The following ZNF536 variants were observed in gnomAD, a reference collection of about 807,000 sequenced individuals.
ZNF536 encodes the protein zinc finger protein 536.
ZNF536 carries 13 observed loss-of-function variants against 84.5 expected under a neutral mutation model. The ratio of observed to expected loss-of-function variants is 0.15; its 90% CI spans 0.10 to 0.24. ZNF536 has a LOEUF of 0.24. Ranked by LOEUF, ZNF536 falls within the 10% of genes least tolerant of loss-of-function variation. The pLI is 1.00. For missense variants in ZNF536, 1,536 were observed against 1,747.5 expected (o/e 0.88, Z 2.16); for synonymous variants, 811 against 742.5 (o/e 1.09, Z -1.50).
chr19:30,382,535 A>G (rs572734403), intron 1 of ZNF536, among the ~76,000 whole-genome samples: 1 of 151,992 alleles, frequency 6.6e-6, no homozygotes, highest in Non-Finnish European at 1.5e-5. Flanking sequence ...TCATTGATTA[A>G]GCATTCTTTT....
chr19:30,630,854 G>A (rs996298258), intron 1 of ZNF536, among the ~76,000 whole-genome samples: 3 of 152,292 alleles, frequency 2.0e-5, no homozygotes, highest in East Asian at 1.9e-4. Context: ...TAATTTGCAC[G>A]TGAATCACAT....
intron 2 of ZNF536, among the ~76,000 whole-genome samples, chr19:30,500,170 G>A (rs1399776260): frequency 2.0e-5 from 3 of 152,250 alleles, no homozygotes; most frequent in Admixed American, 2.0e-4. Flanking sequence ...AGGTTCAGGA[G>A]AAGCTGCTTC....
In ZNF536 at chr19:30,443,970, C is replaced by G. The variant is rs1420518136; in HGVS notation, c.408C>G (p.Gly136=). The change falls in exon 2 of 5, where the codon GGC becomes GGG. Residue 136 remains glycine, a synonymous_variant. Coordinates refer to ENST00000355537, the MANE Select transcript of ZNF536 (RefSeq NM_014717.3). The part of the protein sequence containing the change: ...KNRKYPCPLC[G]KRFRFNSILS... ...GCAAGTACCCGTGCCCACTCTGCGGCAAGCGCTTCCGCTTCAACAGCATCC... is the reference window on the plus strand; with the variant it reads ...GCAAGTACCCGTGCCCACTCTGCGGGAAGCGCTTCCGCTTCAACAGCATCC... 1 of 1,613,746 alleles carries G rather than the reference C, an allele frequency of 6.2e-7. No individual in the cohort carries two copies. The highest frequency in any genetic ancestry group is 8.5e-7 in the Non-Finnish European group (1 of 1,180,022).
At chr19:30,251,338 C>T (rs1379321161) in intron 1 of ZNF536, among the ~76,000 whole-genome samples, 6 of 152,164 alleles carry the variant, frequency 3.9e-5, no homozygotes, top group African/African-American at 1.2e-4. Flanking sequence ...GATGCACTCT[C>T]AATTCCCATA....
intron 1 of ZNF536, among the ~76,000 whole-genome samples, chr19:30,670,105 G>A (rs1225653103): frequency 3.9e-5 from 6 of 152,202 alleles, no homozygotes; most frequent in East Asian, 1.9e-4. Context: ...GCAGCATGGC[G>A]TCTTGTGGCT....
At chr19:30,262,663 G>A (rs1209344417) in intron 1 of ZNF536, among the ~76,000 whole-genome samples, 1 of 152,198 alleles carries the variant, frequency 6.6e-6, no homozygotes, top group East Asian at 1.9e-4. Context: ...GGGTGGCCAG[G>A]TGGTCAGAGG....
intron 2 of ZNF536, among the ~76,000 whole-genome samples, chr19:30,528,308 G>A (rs1252097022): frequency 6.6e-6 from 1 of 152,136 alleles, no homozygotes; most frequent in African/African-American, 2.4e-5. Context: ...TTGGGATGAA[G>A]CGAGAACCAA....
intron 3 of ZNF536, among the ~76,000 whole-genome samples, chr19:30,353,979 C>T (rs1292657615): frequency 6.6e-6 from 1 of 152,162 alleles, no homozygotes; most frequent in Non-Finnish European, 1.5e-5. Flanking sequence ...ACATTCCACT[C>T]TGCTTGCCTC....
chr19:30,571,389 G>C (rs1440597481), intron 1 of ZNF536, among the ~76,000 whole-genome samples: 1 of 152,158 alleles, frequency 6.6e-6, no homozygotes, highest in Non-Finnish European at 1.5e-5. Flanking sequence ...GAACTCCAAG[G>C]CAAGTGTGTC....
chr19:30,483,848 G>A (rs1193382487), intron 2 of ZNF536, among the ~76,000 whole-genome samples: 1 of 152,082 alleles, frequency 6.6e-6, no homozygotes, highest in Non-Finnish European at 1.5e-5. Context: ...CTCTGCAGCT[G>A]TGCCTCTTGG....
chr19:30,389,580 G>T (rs1300709129), intron 1 of ZNF536, among the ~76,000 whole-genome samples: 1 of 152,032 alleles, frequency 6.6e-6, no homozygotes, highest in African/African-American at 2.4e-5. Flanking sequence ...ACTCATCATG[G>T]GCCATTCTCT....
chr19:30,661,086 C>T (rs541713519), intron 1 of ZNF536, among the ~76,000 whole-genome samples: 2 of 152,276 alleles, frequency 1.3e-5, no homozygotes, highest in East Asian at 3.9e-4. Flanking sequence ...TCTATTTAAA[C>T]AAGATAAGAG....
intron 4 of ZNF536, 131 bp downstream of exon 4, chr19:30,549,645 T>C (rs945274887): frequency 3.9e-6 from 4 of 1,014,358 alleles, no homozygotes; most frequent in Middle Eastern, 3.4e-4. Context: ...CCCTCAATGC[T>C]GTATCTGCAA....
intron 1 of ZNF536, among the ~76,000 whole-genome samples, chr19:30,386,499 T>C (rs2147267689): frequency 6.6e-6 from 1 of 152,354 alleles, no homozygotes; most frequent in Non-Finnish European, 1.5e-5. Context: ...TACCTCAGCC[T>C]CTCAAGTAGC....
At chr19:30,300,045 C>G (rs1014954992) in intron 2 of ZNF536, among the ~76,000 whole-genome samples, 1 of 152,100 alleles carries the variant, frequency 6.6e-6, no homozygotes, top group Non-Finnish European at 1.5e-5. Flanking sequence ...CAAAACCTTT[C>G]GGCACCAAAT....
intron 4 of ZNF536, among the ~76,000 whole-genome samples, chr19:30,551,355 C>T (rs2045775411): frequency 6.6e-6 from 1 of 152,178 alleles, no homozygotes; most frequent in African/African-American, 2.4e-5. Flanking sequence ...TCCTTTCGCA[C>T]CAGGCGAGGT....
intron 4 of ZNF536, among the ~76,000 whole-genome samples, chr19:30,551,390 G>T (rs1021254551): frequency 6.6e-6 from 1 of 152,202 alleles, no homozygotes; most frequent in African/African-American, 2.4e-5. Context: ...ACGTCAGGGA[G>T]CCTGCCGGGT....
At chr19:30,363,706 T>C (rs2048343867) in intron 3 of ZNF536, among the ~76,000 whole-genome samples, 1 of 152,148 alleles carries the variant, frequency 6.6e-6, no homozygotes, top group Non-Finnish European at 1.5e-5. Context: ...ATAAAGGAGC[T>C]AATAATTGTT....
rs113521720 is a variant in ZNF536, at chr19:30,611,364, G to A, written c.169+61850G>A. The stretch of plus-strand genomic sequence containing the variant: ...CTCAAAGCCACTCAGTTTGCAAACA[G>A]GCATCCCAGAAAAGCTGCCCTTGGA... On this transcript the variant is annotated intron_variant, in intron 1 of 1. Transcript: ENST00000592773. 6.9e-3 allele frequency among the ~76,000 whole-genome samples: 1,056 copies of A among 152,256 alleles called. 15 individuals are homozygous for A. Among genetic ancestry groups the A allele is most frequent in the African/African-American group, 0.024 (981 of 41,534 alleles).
Sources: allele counts gnomAD v4.1 joint callset (sites outside exome capture counted in the v4.1 genomes callset), GRCh38; gene constraint gnomAD v4.1.1; transcripts MANE v1.5; gene names NCBI Gene and HGNC (gene_info 2026-07-23, HGNC 2026-07-21).